PRIM2: variants seen among roughly 807,000 people sequenced by gnomAD.
PRIM2 encodes DNA primase subunit 2.
In PRIM2, 39 loss-of-function variants were observed where a neutral mutation model predicts 67.3. That is an observed-to-expected ratio of 0.58 (90% CI 0.45 to 0.76). The LOEUF is 0.76. Ranked by LOEUF, PRIM2 falls within the 30% of genes least tolerant of loss-of-function variation. The pLI is 0.00. For missense variants in PRIM2, 398 were observed against 598.7 expected, an observed-to-expected ratio of 0.66 and a Z score of 3.50; for synonymous variants, 143 against 198.7, an observed-to-expected ratio of 0.72 and a Z score of 2.36.
intron 12 of PRIM2, among the ~76,000 whole-genome samples, chr6:57,614,865 T>C (rs1776727416): frequency 6.7e-6 from 1 of 148,268 alleles, no homozygotes; most frequent in African/African-American, 2.5e-5. Flanking sequence ...TATATATATA[T>C]GTATGTGTGT....
intron 4 of PRIM2, among the ~76,000 whole-genome samples, chr6:57,325,350 A>G (rs1767812495): frequency 7.0e-6 from 1 of 142,018 alleles, no homozygotes; most frequent in African/African-American, 2.7e-5. Flanking sequence ...CCTAGGCTGG[A>G]GTACAGTGGT....
At chr6:57,487,055 A>G (rs1773770579) in intron 7 of PRIM2, among the ~76,000 whole-genome samples, 1 of 152,172 alleles carries the variant, frequency 6.6e-6, no homozygotes, top group African/African-American at 2.4e-5. Context: ...TTTTATAGTC[A>G]TTGTTACATC....
At chr6:57,414,805 C>A (rs1461408388) in intron 7 of PRIM2, among the ~76,000 whole-genome samples, 1 of 151,942 alleles carries the variant, frequency 6.6e-6, no homozygotes, top group Non-Finnish European at 1.5e-5. Context: ...AGCCTTTATG[C>A]CTTTGTTCTT....
At chr6:57,582,904 A>T (rs1776122892) in intron 10 of PRIM2, among the ~76,000 whole-genome samples, 1 of 148,412 alleles carries the variant, frequency 6.7e-6, no homozygotes, top group Non-Finnish European at 1.5e-5. Flanking sequence ...GTCATTTAGC[A>T]TTAGGTATAT....
intron 7 of PRIM2, among the ~76,000 whole-genome samples, chr6:57,413,035 C>G (rs1427128947): frequency 6.6e-6 from 1 of 151,946 alleles, no homozygotes; most frequent in Non-Finnish European, 1.5e-5. Flanking sequence ...TGGCTTCTAT[C>G]ATTGTTGAAA....
chr6:57,446,640 C>T (rs1340817989), intron 7 of PRIM2, among the ~76,000 whole-genome samples: 1 of 151,926 alleles, frequency 6.6e-6, no homozygotes, highest in African/African-American at 2.4e-5. Context: ...AATATCCATT[C>T]AGTTATTAGT....
intron 7 of PRIM2, among the ~76,000 whole-genome samples, chr6:57,423,684 A>G (rs1771532550): frequency 6.6e-6 from 1 of 152,226 alleles, no homozygotes; most frequent in South Asian, 2.1e-4. Context: ...TAAACTTGGT[A>G]TGTGCAAAGC....
At chr6:57,418,383 G>GTTTTTTTTTTTT (rs34491627) in intron 7 of PRIM2, among the ~76,000 whole-genome samples, 17 of 47,226 alleles carry the variant, frequency 3.6e-4, no homozygotes, top group South Asian at 1.0e-3. Flanking sequence ...TATGTGTGTG[G>GTTTTTTTTTTTT]TTTTTTTTTT....
chr6:57,322,289 A>T (rs1767686724), intron 3 of PRIM2, among the ~76,000 whole-genome samples: 1 of 152,150 alleles, frequency 6.6e-6, no homozygotes, highest in Admixed American at 6.5e-5. Context: ...AGAGCATTTG[A>T]TAAGTCAGGG....
intron 8 of PRIM2, among the ~76,000 whole-genome samples, chr6:57,530,529 G>A (rs1228372011): frequency 5.3e-5 from 8 of 152,060 alleles, no homozygotes; most frequent in Non-Finnish European, 7.4e-5. Flanking sequence ...GAGGGAGGGC[G>A]GAGAACTTTC....
chr6:57,424,611 A>T (rs1254595570), intron 7 of PRIM2, among the ~76,000 whole-genome samples: 2 of 152,198 alleles, frequency 1.3e-5, no homozygotes, highest in Admixed American at 1.3e-4. Flanking sequence ...TATTAAGGAG[A>T]TTACCATTAA....
the PRIM2 span, among the ~76,000 whole-genome samples, chr6:57,254,701 C>T: frequency 9.9e-6 from 1 of 101,312 alleles, no homozygotes; most frequent in African/African-American, 3.7e-5. Context: ...ACTCCCCAGA[C>T]CTCCACAAAC....
intron 7 of PRIM2, among the ~76,000 whole-genome samples, chr6:57,458,412 T>G (rs9475989): frequency 6.6e-6 from 1 of 152,162 alleles, no homozygotes; most frequent in Non-Finnish European, 1.5e-5. Flanking sequence ...GAGTGGGTGT[T>G]GTGACTCACG....
rs1371500390 is a variant in PRIM2 at position 57,538,817 on chromosome 6, G to T, written c.1020+1192G>T. ...CACATGGCCTTTTCTCTGTGCATGT[G>T]CATCCCTGGTGTTTCTTCCTTTTCT... is the stretch of plus-strand genomic sequence containing the variant. On this transcript the variant is annotated intron_variant, in intron 10 of 13. Coordinates refer to ENST00000615550, the MANE Select transcript of PRIM2 (RefSeq NM_000947.5). Among the ~76,000 whole-genome samples the T allele has an allele frequency of 5.3e-3, 811 of 152,206 alleles. 6 individuals carry two copies. Among genetic ancestry groups the T allele is most frequent in the African/African-American group, 0.019 (781 of 41,516 alleles).
intron 7 of PRIM2, among the ~76,000 whole-genome samples, chr6:57,502,288 C>G (rs1170565236): frequency 2.0e-5 from 3 of 152,140 alleles, no homozygotes; most frequent in African/African-American, 7.2e-5. Flanking sequence ...AGGAAAGACT[C>G]ATTCCATCCC....
intron 5 of PRIM2, among the ~76,000 whole-genome samples, chr6:57,332,853 G>A (rs1021472489): frequency 6.6e-6 from 1 of 151,900 alleles, no homozygotes; most frequent in Non-Finnish European, 1.5e-5. Flanking sequence ...TGCATGGATT[G>A]TTTTATCCAT....
chr6:57,529,436 A>G (rs1774839508), intron 8 of PRIM2, among the ~76,000 whole-genome samples: 3 of 152,176 alleles, frequency 2.0e-5, no homozygotes, highest in Admixed American at 6.5e-5. Flanking sequence ...TAACATTTTT[A>G]TTCCTGAGAT....
intron 7 of PRIM2, among the ~76,000 whole-genome samples, chr6:57,504,909 A>C (rs1467792429): frequency 1.3e-5 from 2 of 152,228 alleles, no homozygotes; most frequent in South Asian, 4.1e-4. Context: ...AAACATAGAC[A>C]TATACTTTCA....
Position 57,577,469 on chromosome 6 carries a change from G to A in PRIM2, c.1021-23624G>A, listed in dbSNP as rs1485287572. Reference sequence around the variant, plus strand: ...TTTTGAGACGGAGTGTCACTCTGTCGCCCAGGCTGGAGTGCAGTGGCACGA... The same window carrying A: ...TTTTGAGACGGAGTGTCACTCTGTCACCCAGGCTGGAGTGCAGTGGCACGA... On this transcript the variant is annotated intron_variant, in intron 10 of 13. Transcript: ENST00000615550. Among the ~76,000 whole-genome samples the A allele has an allele frequency of 7.7e-3, 1,072 of 138,342 alleles. 4 individuals carry two copies. Among genetic ancestry groups the A allele is most frequent in the Non-Finnish European group, 0.013 (871 of 66,334 alleles). 90.8% of individuals were successfully genotyped at this position (138,342 alleles called of 152,430 possible). A position where few individuals can be genotyped will look rare whatever the true frequency, so the allele number is the denominator to read the frequency against.
Sources: allele counts gnomAD v4.1 joint callset (sites outside exome capture counted in the v4.1 genomes callset), GRCh38; gene constraint gnomAD v4.1.1; transcripts MANE v1.5; gene names NCBI Gene and HGNC (gene_info 2026-07-23, HGNC 2026-07-21).